Variants in C1orf198 observed in about 807,000 individuals in gnomAD.
C1orf198 encodes chromosome 1 open reading frame 198, also known as uncharacterized protein C1orf198.
C1orf198 carries 17 observed loss-of-function variants against 31.4 expected under a neutral mutation model. The ratio of observed to expected loss-of-function variants is 0.54; its 90% CI spans 0.37 to 0.81. The LOEUF is 0.81. Ranked by LOEUF, C1orf198 falls within the 40% of genes least tolerant of loss-of-function variation. The pLI is 0.00. For missense variants in C1orf198, 401 were observed against 450.3 expected (o/e 0.89, Z 0.99); for synonymous variants, 175 against 193.8 (o/e 0.90, Z 0.81).
intron 2 of C1orf198, among the ~76,000 whole-genome samples, chr1:230,846,891 C>A (rs1202557): frequency 0.26 from 39,472 of 151,134 alleles, 5,463 homozygotes; most frequent in Middle Eastern, 0.44. Flanking sequence ...ATCACGAGGT[C>A]AGGAGATCGA....
chr1:230,856,081 G>A, intron 1 of C1orf198: 1 of 809,254 alleles, frequency 1.2e-6, no homozygotes, highest in Non-Finnish European at 1.5e-6. Flanking sequence ...GTGTGGCCAT[G>A]GGAAGATGAC....
At chr1:230,854,609 C>G (rs57702502) in intron 2 of C1orf198, among the ~76,000 whole-genome samples, 1 of 152,136 alleles carries the variant, frequency 6.6e-6, no homozygotes, top group Non-Finnish European at 1.5e-5. Flanking sequence ...CACGCTCCCA[C>G]GCCCTGAGGC....
chr1:230,853,550 C>T (rs867737123), intron 2 of C1orf198, among the ~76,000 whole-genome samples: 44 of 152,230 alleles, frequency 2.9e-4, no homozygotes, highest in Middle Eastern at 3.4e-3. Flanking sequence ...CTCTGAGATA[C>T]GCTCTATTTT....
In C1orf198 at chr1:230,857,800, C is replaced by T. The variant is rs926558454; in HGVS notation, c.334-2082G>A. On this transcript the variant is annotated intron_variant, in intron 1 of 3. Transcript: ENST00000366663. The surrounding 1 kb of genome is among the most constrained non-coding windows in gnomAD (Gnocchi z 4.2). Reference sequence around the variant, plus strand: ...TTACAAAAGTGAGGGAAAAGCCCTACAAACTGGGTTAAGCTGCATTAAAGT... The same window carrying T: ...TTACAAAAGTGAGGGAAAAGCCCTATAAACTGGGTTAAGCTGCATTAAAGT... Among the ~76,000 whole-genome samples the T allele has an allele frequency of 1.3e-5, 2 of 152,174 alleles. No homozygotes were observed. The highest frequency in any genetic ancestry group is 4.8e-5 in the African/African-American group (2 of 41,444).
intron 1 of C1orf198, among the ~76,000 whole-genome samples, chr1:230,858,651 GCATGAACA>G: frequency 6.6e-6 from 1 of 152,234 alleles, no homozygotes; most frequent in Admixed American, 6.5e-5. Flanking sequence ...AAGAGGAAGT[GCATGAACA>G]CCTGCGGGGC....
At chr1:230,866,486 C>T (rs919483317) in intron 1 of C1orf198, among the ~76,000 whole-genome samples, 2 of 152,170 alleles carry the variant, frequency 1.3e-5, no homozygotes, top group African/African-American at 2.4e-5. Context: ...AATTCAGAAA[C>T]GGCTCAGTCT....
At chr1:230,855,298 T>C (rs947140944) in intron 2 of C1orf198, among the ~76,000 whole-genome samples, 2 of 152,210 alleles carry the variant, frequency 1.3e-5, no homozygotes, top group African/African-American at 4.8e-5. Flanking sequence ...CTTTGTCTTA[T>C]GGGGCATCTC....
chr1:230,852,943 A>G (rs1009891170), intron 2 of C1orf198, among the ~76,000 whole-genome samples: 5 of 152,172 alleles, frequency 3.3e-5, no homozygotes, highest in African/African-American at 4.8e-5. Context: ...TGCCCAGCCT[A>G]AGCTTCAAAA....
At chr1:230,867,603 C>T (rs891362191) in intron 1 of C1orf198, among the ~76,000 whole-genome samples, 1 of 152,144 alleles carries the variant, frequency 6.6e-6, no homozygotes, top group East Asian at 1.9e-4. Context: ...GATGGGTTTC[C>T]CTCCTTATCT....
At chr1:230,856,495 C>A (rs961783878) in intron 1 of C1orf198, among the ~76,000 whole-genome samples, 4 of 152,160 alleles carry the variant, frequency 2.6e-5, no homozygotes, top group African/African-American at 9.7e-5. Flanking sequence ...CCTCTACCCG[C>A]AGTTATTCCT....
chr1:230,852,130 A>G (rs1319595026), intron 2 of C1orf198, among the ~76,000 whole-genome samples: 1 of 152,148 alleles, frequency 6.6e-6, no homozygotes, highest in Admixed American at 6.5e-5. Flanking sequence ...CATCTACCCA[A>G]CATGTGTACA....
chr1:230,843,295 C>T lies in C1orf198; in HGVS notation c.927+59G>A, dbSNP rs1452614513. 5 of 1,520,986 alleles carry T rather than the reference C, an allele frequency of 3.3e-6. No homozygotes were observed. Among genetic ancestry groups the T allele is most frequent in the South Asian group, 1.3e-5 (1 of 79,320 alleles). The allele number at this position is 1,520,986 out of a possible 1,614,324, so 94.2% of individuals were successfully genotyped here. A position where few individuals can be genotyped will look rare whatever the true frequency, so the allele number is the denominator to read the frequency against. ...CTGCCTGCTTTGTGGGGGACCCTCT[C>T]GGTTCCCGTGGAATAAGGCACCATC... On this transcript the variant is annotated intron_variant, in intron 3 of 3. Transcript: ENST00000366663. This position sits in a 1 kb window ranked among gnomAD's most constrained non-coding sequence, Gnocchi z 4.9.
At chr1:230,844,785 G>A (rs1052173638) in intron 2 of C1orf198, among the ~76,000 whole-genome samples, 3 of 152,104 alleles carry the variant, frequency 2.0e-5, no homozygotes, top group Non-Finnish European at 4.4e-5. Flanking sequence ...GGCAGGGCAG[G>A]GCCTGGCACC....
intron 1 of C1orf198, among the ~76,000 whole-genome samples, chr1:230,867,878 G>A (rs1269965921): frequency 6.6e-6 from 1 of 152,154 alleles, no homozygotes; most frequent in Non-Finnish European, 1.5e-5. Flanking sequence ...TTCCACTTTG[G>A]TCAGCCTCGC....
At chr1:230,868,024 C>G (rs1028107087) in intron 1 of C1orf198, among the ~76,000 whole-genome samples, 156 bp downstream of exon 1, 3 of 152,152 alleles carry the variant, frequency 2.0e-5, no homozygotes, top group African/African-American at 7.2e-5. Context: ...CCCCGAACTT[C>G]GGCTCTGGGG....
At position 230,843,408 on chromosome 1, in the gene C1orf198, A is replaced by G. The variant is rs1249473431; in HGVS notation, c.873T>C (p.Asp291=). 3 of 1,572,930 alleles carry G rather than the reference A, an allele frequency of 1.9e-6. No homozygotes were observed. Among genetic ancestry groups the G allele is most frequent in the Non-Finnish European group, 2.6e-6 (3 of 1,158,712 alleles). ...TGTCTTCCCCATCGTCCTGCCTGAC[A>G]TCAGGAGATGGCAGCTTCCCCTCGA... ...SQLEGKLPSP[D]VRQDDGEDTL... The change falls in exon 3 of 4, where the codon GAT becomes GAC. Residue 291 remains aspartate (D), a synonymous_variant. Transcript: ENST00000366663. The surrounding 1 kb of genome is among the most constrained non-coding windows in gnomAD (Gnocchi z 4.9).
intron 1 of C1orf198, among the ~76,000 whole-genome samples, chr1:230,866,371 T>C (rs1035357658): frequency 1.3e-5 from 2 of 152,208 alleles, no homozygotes; most frequent in East Asian, 3.9e-4. Flanking sequence ...TCTCAGCTGG[T>C]TTTGCAAAGC....
chr1:230,858,797 T>C (rs1238334977), intron 1 of C1orf198, among the ~76,000 whole-genome samples: 5 of 152,214 alleles, frequency 3.3e-5, no homozygotes, highest in Admixed American at 6.5e-5. Context: ...AAGATTAAAA[T>C]AATAAGGCTT....
At chr1:230,854,510 C>T (rs1669821636) in intron 2 of C1orf198, among the ~76,000 whole-genome samples, 1 of 152,294 alleles carries the variant, frequency 6.6e-6, no homozygotes, top group Non-Finnish European at 1.5e-5. Context: ...GTCACCCCTG[C>T]AACCCGTACC....
Sources: gnomAD v4.1 joint callset for allele counts (sites outside exome capture counted in the v4.1 genomes callset) on GRCh38, gnomAD v4.1.1 for gene constraint, Gnocchi (gnomAD v3.1) non-coding constraint, MANE v1.5 for transcripts, NCBI Gene and HGNC (gene_info 2026-07-23, HGNC 2026-07-21) for gene names.